IKBKB: variants seen among roughly 807,000 people sequenced by gnomAD.
IKBKB encodes the protein inhibitor of nuclear factor kappa B kinase subunit beta.
In IKBKB, 42 loss-of-function variants were observed where a neutral mutation model predicts 113.6. The ratio of observed to expected loss-of-function variants is 0.37; its 90% CI spans 0.29 to 0.48. IKBKB has a LOEUF of 0.48. IKBKB is among the 20% of genes least tolerant of loss of function. The pLI is 0.99. For missense variants in IKBKB, 673 were observed against 939.7 expected, an observed-to-expected ratio of 0.72 and a Z score of 3.71; for synonymous variants, 296 against 361.3, an observed-to-expected ratio of 0.82 and a Z score of 2.05.
At chr8:42,315,470 T>C (rs1393056934) in intron 9 of IKBKB, among the ~76,000 whole-genome samples, 1 of 152,144 alleles carries the variant, frequency 6.6e-6, no homozygotes, top group East Asian at 1.9e-4. Context: ...AGTAGCTGTG[T>C]TGGCCTCAGG....
chr8:42,277,526 C>T (rs932426010), intron 2 of IKBKB, among the ~76,000 whole-genome samples: 2 of 152,142 alleles, frequency 1.3e-5, no homozygotes, highest in African/African-American at 4.8e-5. Context: ...CAGCTTCCTC[C>T]TCCTGCCGGC....
intron 5 of IKBKB, among the ~76,000 whole-genome samples, chr8:42,296,809 G>A (rs562288215): frequency 3.3e-5 from 5 of 152,274 alleles, no homozygotes; most frequent in Non-Finnish European, 5.9e-5. Flanking sequence ...CCGTGGGCAC[G>A]TTACTTACAC....
At chr8:42,322,535 C>T (rs777479635) in intron 19 of IKBKB, 41 bp downstream of exon 19, 12 of 1,606,950 alleles carry the variant, frequency 7.5e-6, no homozygotes, top group Admixed American at 3.3e-5. Context: ...GCCTAGCAGC[C>T]TCCTGTGCCT....
At chr8:42,330,885 G>GT (rs150128301) in intron 21 of IKBKB, 29 bp from the exon 22 acceptor site, 9 of 1,614,002 alleles carry the variant, frequency 5.6e-6, no homozygotes, top group East Asian at 2.2e-5. Context: ...GGTGGCTGTT[G>GT]TTTTTTTAAC....
At chr8:42,302,501 C>T (rs948962033) in intron 5 of IKBKB, among the ~76,000 whole-genome samples, 2 of 152,014 alleles carry the variant, frequency 1.3e-5, no homozygotes, top group Non-Finnish European at 2.9e-5. Context: ...ATAGAGCATC[C>T]CTAATCCCAA....
chr8:42,317,271 C>T, intron 11 of IKBKB: 1 of 430,904 alleles, frequency 2.3e-6, no homozygotes, highest in Non-Finnish European at 4.3e-6. Flanking sequence ...TTATGATGGC[C>T]TCTGTGTACA....
At chr8:42,308,877 G>A (rs1817104638) in intron 7 of IKBKB, 24 bp from the exon 8 acceptor site, 4 of 1,612,592 alleles carry the variant, frequency 2.5e-6, no homozygotes, top group East Asian at 2.2e-5. Context: ...AGCAGCTCAG[G>A]TGTACCCCCT....
At chr8:42,321,130 C>G (rs531744806) in intron 16 of IKBKB, 44 of 286,648 alleles carry the variant, frequency 1.5e-4, no homozygotes, top group African/African-American at 9.0e-4. Context: ...CAGCCTCTAC[C>G]CCTGTAGCAG....
chr8:42,319,571 C>T lies in IKBKB; in HGVS notation c.1517-14C>T. 1 of 1,582,712 alleles carries T rather than the reference C, an allele frequency of 6.3e-7. No individual in the cohort carries two copies. Among genetic ancestry groups the T allele is most frequent in the Non-Finnish European group, 8.6e-7 (1 of 1,168,920 alleles). ...TTTGTTTTGTTTTGTTTTTCCTTCT[C>T]AATTTTTTTTCAGCATCAGATAAAC... On this transcript the variant is annotated splice_polypyrimidine_tract_variant and intron_variant, in intron 14 of 21. Coordinates refer to ENST00000520810, the MANE Select transcript of IKBKB (RefSeq NM_001556.3).
intron 21 of IKBKB, chr8:42,329,976 A>G (rs1821474771): frequency 8.1e-6 from 8 of 985,324 alleles, no homozygotes; most frequent in Non-Finnish European, 9.6e-6. Flanking sequence ...ATGTAGTCGC[A>G]TGTCCTCCTC....
At chr8:42,288,604 C>G in intron 2 of IKBKB, 30 bp from the exon 3 acceptor site, 1 of 1,578,050 alleles carries the variant, frequency 6.3e-7, no homozygotes, top group Non-Finnish European at 8.7e-7. Flanking sequence ...GCAGCTCGCT[C>G]TGCTGGTCCC....
intron 15 of IKBKB, 42 bp from the exon 16 acceptor site, chr8:42,320,693 C>T (rs200583655): frequency 4.5e-5 from 68 of 1,514,132 alleles, no homozygotes; most frequent in South Asian, 5.6e-5. Context: ...TCTCAGCATG[C>T]GCCTACCACA....
At chr8:42,296,351 G>C (rs1230287370) in intron 5 of IKBKB, among the ~76,000 whole-genome samples, 3 of 152,108 alleles carry the variant, frequency 2.0e-5, no homozygotes, top group Non-Finnish European at 2.9e-5. Context: ...ACTAAATTAG[G>C]CCAGACGCGG....
intron 2 of IKBKB, among the ~76,000 whole-genome samples, chr8:42,285,775 A>C (rs549740072): frequency 6.6e-6 from 1 of 152,324 alleles, no homozygotes; most frequent in African/African-American, 2.4e-5. Flanking sequence ...ACCATGGGTG[A>C]GCCTTGGAAA....
chr8:42,303,068 AGAGAGAGAGAGAGAGAGAGAGAAT>A (rs1815638871), intron 5 of IKBKB, among the ~76,000 whole-genome samples: 1 of 145,564 alleles, frequency 6.9e-6, no homozygotes. Context: ...AGGGAGAGAG[AGAGAGAGAGAGAGAGAGAGAGAAT>A]GAGAGAGAGA....
intron 2 of IKBKB, among the ~76,000 whole-genome samples, chr8:42,283,723 G>A (rs1399482889): frequency 6.6e-6 from 1 of 152,104 alleles, no homozygotes; most frequent in Non-Finnish European, 1.5e-5. Flanking sequence ...GAAATAAAGT[G>A]TGTTATTTTA....
intron 5 of IKBKB, among the ~76,000 whole-genome samples, chr8:42,303,534 T>TA (rs1815868673): frequency 6.6e-6 from 1 of 152,056 alleles, no homozygotes; most frequent in South Asian, 2.1e-4. Flanking sequence ...GGTAGAGTCT[T>TA]ACTCTGTCAC....
intron 2 of IKBKB, among the ~76,000 whole-genome samples, chr8:42,284,852 C>CTT (rs559953662): frequency 1.6e-3 from 183 of 116,062 alleles, no homozygotes; most frequent in Non-Finnish European, 2.5e-3. Flanking sequence ...AAACGTTATT[C>CTT]TTTTTTTTTT....
chr8:42,293,490 C>T lies in IKBKB; in HGVS notation c.366C>T (p.Ile122=). 2 of 1,614,066 alleles carry T rather than the reference C, an allele frequency of 1.2e-6. No homozygotes were observed. The highest frequency in any genetic ancestry group is 1.7e-6 in the Non-Finnish European group (2 of 1,179,904). Residue 122 remains isoleucine, a synonymous_variant, in exon 5 of 22, where the codon ATC becomes ATT. Coordinates refer to ENST00000520810, the MANE Select transcript of IKBKB (RefSeq NM_001556.3). ...GCTGTGGTCTGCGGGAAGGTGCCAT[C>T]CTCACCTTGCTGAGTGACATTGGTA... is the stretch of plus-strand genomic sequence containing the variant. The part of the protein sequence containing the change: ...ENCCGLREGA[I]LTLLSDIASA...
Sources: gnomAD v4.1 joint callset for allele counts (sites outside exome capture counted in the v4.1 genomes callset) on GRCh38, gnomAD v4.1.1 for gene constraint, MANE v1.5 for transcripts, NCBI Gene and HGNC (gene_info 2026-07-23, HGNC 2026-07-21) for gene names.